The following CNTNAP2 variants were observed in gnomAD, a reference collection of about 807,000 sequenced individuals.
CNTNAP2 encodes contactin-associated protein-like 2.
A neutral mutation model predicts 155.2 loss-of-function variants in CNTNAP2; 98 were observed. The ratio of observed to expected loss-of-function variants is 0.63; its 90% confidence interval spans 0.54 to 0.75. The LOEUF is 0.75. Ranked by LOEUF, CNTNAP2 falls within the 30% of genes least tolerant of loss-of-function variation. The pLI is 0.00. For missense variants in CNTNAP2, 1,727 were observed against 1,688.1 expected (o/e 1.02, Z -0.40); for synonymous variants, 651 against 631.2 (o/e 1.03, Z -0.47).
chr7:146,740,249 A>G (rs1331858543), intron 1 of CNTNAP2, among the ~76,000 whole-genome samples: 1 of 137,334 alleles, frequency 7.3e-6, no homozygotes, highest in African/African-American at 2.7e-5. Flanking sequence ...TCTCTATTGT[A>G]TTGTTTGTCT....
intron 8 of CNTNAP2, among the ~76,000 whole-genome samples, chr7:147,134,649 A>G (rs1000047909): frequency 6.6e-6 from 1 of 151,918 alleles, no homozygotes; most frequent in Non-Finnish European, 1.5e-5. Context: ...CTAAAAGTAC[A>G]TATGGAAACC....
intron 3 of CNTNAP2, among the ~76,000 whole-genome samples, chr7:146,955,624 A>G (rs1044457578): frequency 1.3e-5 from 2 of 152,024 alleles, no homozygotes; most frequent in Non-Finnish European, 2.9e-5. Context: ...ATATTACAGA[A>G]GTATACATTT....
intron 22 of CNTNAP2, among the ~76,000 whole-genome samples, chr7:148,387,231 T>A (rs4726963): frequency 0.25 from 38,454 of 152,110 alleles, 5,573 homozygotes; most frequent in Non-Finnish European, 0.33. Flanking sequence ...GGGTTCTAAG[T>A]GCATCCCTCA....
At chr7:147,803,479 T>C (rs967712102) in intron 13 of CNTNAP2, among the ~76,000 whole-genome samples, 2 of 152,248 alleles carry the variant, frequency 1.3e-5, no homozygotes, top group African/African-American at 4.8e-5. Flanking sequence ...GCAGAGGCTC[T>C]ACTCATGTTC....
intron 1 of CNTNAP2, among the ~76,000 whole-genome samples, chr7:146,141,890 G>A (rs1487746360): frequency 6.6e-6 from 1 of 152,004 alleles, no homozygotes; most frequent in Non-Finnish European, 1.5e-5. Flanking sequence ...AAGACTCATA[G>A]CCTTTAGGTT....
intron 1 of CNTNAP2, among the ~76,000 whole-genome samples, chr7:146,470,002 G>T (rs1490690389): frequency 6.6e-6 from 1 of 151,620 alleles, no homozygotes; most frequent in Non-Finnish European, 1.5e-5. Context: ...ACCACGCCCG[G>T]CTAATTTTTT....
chr7:146,498,131 C>T (rs1216368872), intron 1 of CNTNAP2, among the ~76,000 whole-genome samples: 1 of 152,062 alleles, frequency 6.6e-6, no homozygotes, highest in Non-Finnish European at 1.5e-5. Context: ...TGGAGATGAT[C>T]TTGGAGAGCC....
At chr7:146,753,665 T>C (rs1801944008) in intron 1 of CNTNAP2, among the ~76,000 whole-genome samples, 1 of 152,116 alleles carries the variant, frequency 6.6e-6, no homozygotes, top group Non-Finnish European at 1.5e-5. Flanking sequence ...AGATTTATTT[T>C]TAAATTATCC....
intron 13 of CNTNAP2, among the ~76,000 whole-genome samples, chr7:147,864,338 G>A (rs1799188899): frequency 6.6e-6 from 1 of 152,180 alleles, no homozygotes; most frequent in Non-Finnish European, 1.5e-5. Flanking sequence ...TAGCCTTGTA[G>A]TATAGTTTGA....
chr7:148,217,409 G>A lies in CNTNAP2; in HGVS notation c.3132G>A (p.Pro1044=), dbSNP rs761663690. The A allele has an allele frequency of 3.8e-5, 61 of 1,613,940 alleles. No individual in the cohort carries two copies. The highest frequency in any genetic ancestry group is 1.2e-4 in the South Asian group (11 of 91,072). Residue 1044 remains proline, a synonymous_variant, in exon 19 of 24, where the codon CCG becomes CCA. Coordinates refer to ENST00000361727, the MANE Select transcript of CNTNAP2 (RefSeq NM_014141.6). ...CTCCCGACCAGCAGAACTCCCACCCGGACCTGGCACAGGAGGAGATCCGCT... is the reference window on the plus strand; with the variant it reads ...CTCCCGACCAGCAGAACTCCCACCCAGACCTGGCACAGGAGGAGATCCGCT... ...DNAPDQQNSH[P]DLAQEEIRFS... is the part of the protein sequence containing the mutation.
At chr7:146,757,726 G>A (rs1465463203) in intron 1 of CNTNAP2, among the ~76,000 whole-genome samples, 1 of 152,164 alleles carries the variant, frequency 6.6e-6, no homozygotes, top group Non-Finnish European at 1.5e-5. Flanking sequence ...AAATAGTACA[G>A]TGATTTCCAT....
intron 11 of CNTNAP2, among the ~76,000 whole-genome samples, chr7:147,501,997 C>T (rs2116669942): frequency 6.6e-6 from 1 of 152,116 alleles, no homozygotes; most frequent in South Asian, 2.1e-4. Flanking sequence ...ATTACTTAGG[C>T]ATATATTTAA....
At chr7:146,758,882 C>CT (rs1482096230) in intron 1 of CNTNAP2, among the ~76,000 whole-genome samples, 2 of 152,056 alleles carry the variant, frequency 1.3e-5, no homozygotes, top group African/African-American at 4.8e-5. Flanking sequence ...CTCTCCTTCC[C>CT]TTTTTAAGAC....
intron 11 of CNTNAP2, among the ~76,000 whole-genome samples, chr7:147,556,279 C>T (rs995851519): frequency 9.9e-5 from 15 of 152,012 alleles, no homozygotes; most frequent in Non-Finnish European, 2.1e-4. Context: ...TAAATAGAGT[C>T]ATCATTTTTA....
chr7:146,515,213 C>T (rs1246567158), intron 1 of CNTNAP2, among the ~76,000 whole-genome samples: 2 of 151,954 alleles, frequency 1.3e-5, no homozygotes, highest in Non-Finnish European at 1.5e-5. Context: ...TTCTTTTTTT[C>T]CTCCTACAGG....
chr7:146,530,540 A>G (rs34758912), intron 1 of CNTNAP2, among the ~76,000 whole-genome samples: 49,951 of 152,056 alleles, frequency 0.33, 8,295 homozygotes, highest in East Asian at 0.47. Context: ...CAGGCAAAAA[A>G]CAACCTCATT....
At position 147,365,626 on chromosome 7, in the gene CNTNAP2, A is replaced by G. The variant is rs772019292; in HGVS notation, c.1499-29983A>G. 5.0e-4 allele frequency among the ~76,000 whole-genome samples: 76 copies of G among 152,130 alleles called. 1 individual carries two copies. The highest frequency in any genetic ancestry group is 6.5e-4 in the Non-Finnish European group (44 of 68,008). On this transcript the variant is annotated intron_variant, in intron 9 of 23. Transcript: ENST00000361727. ...ATATTTAATATGTCAAAACATTATCAGTCTCTTTACTCACCTCTTAGATAT... is the reference window on the plus strand; with the variant it reads ...ATATTTAATATGTCAAAACATTATCGGTCTCTTTACTCACCTCTTAGATAT...
At chr7:148,236,872 A>G (rs1730375051) in intron 20 of CNTNAP2, among the ~76,000 whole-genome samples, 1 of 152,182 alleles carries the variant, frequency 6.6e-6, no homozygotes, top group Admixed American at 6.5e-5. Context: ...AAACAACCAG[A>G]TCTCATGAGA....
intron 9 of CNTNAP2, among the ~76,000 whole-genome samples, chr7:147,366,151 T>G (rs1796226057): frequency 6.6e-6 from 1 of 152,196 alleles, no homozygotes. Flanking sequence ...TGCTGTTCTT[T>G]GTAGATATTA....
Sources: gnomAD v4.1 joint callset for allele counts (sites outside exome capture counted in the v4.1 genomes callset) on GRCh38, gnomAD v4.1.1 for gene constraint, MANE v1.5 for transcripts, NCBI Gene and HGNC (gene_info 2026-07-23, HGNC 2026-07-21) for gene names.